Variants in DCAF8L2 observed in about 807,000 individuals in gnomAD.
The protein encoded by DCAF8L2 is DDB1 and CUL4 associated factor 8 like 2.
For synonymous variants in DCAF8L2, 200 were observed against 190.9 expected (o/e 1.05, Z -0.39); for missense variants, 430 against 490.7 (o/e 0.88, Z 1.17).
intron 3 of DCAF8L2, among the ~76,000 whole-genome samples, chrX:27,687,894 A>T (rs1004751835): frequency 9.0e-6 from 1 of 110,952 alleles, no homozygotes; most frequent in Non-Finnish European, 1.9e-5. Context: ...TGAAACTGTT[A>T]TTAGAGTTTT....
the DCAF8L2 span, among the ~76,000 whole-genome samples, chrX:27,474,139 G>A: frequency 9.0e-6 from 1 of 110,993 alleles, no homozygotes; most frequent in Admixed American, 9.7e-5. Context: ...TTATCCCCAC[G>A]CAGAAAATAG....
the DCAF8L2 span, among the ~76,000 whole-genome samples, chrX:27,483,834 A>G: frequency 9.0e-6 from 1 of 111,343 alleles, no homozygotes; most frequent in Non-Finnish European, 1.9e-5. Context: ...GCCTAAGTCA[A>G]GTAGAAAAAT....
intron 2 of DCAF8L2, among the ~76,000 whole-genome samples, chrX:27,646,107 A>T (rs985642266): frequency 8.9e-6 from 1 of 112,067 alleles, no homozygotes; most frequent in African/African-American, 3.2e-5. Context: ...TATAGCCATG[A>T]CAATCCTAAG....
At chrX:27,579,208 C>T in the DCAF8L2 span, among the ~76,000 whole-genome samples, 1 of 111,434 alleles carries the variant, frequency 9.0e-6, no homozygotes, top group African/African-American at 3.3e-5. Flanking sequence ...ACATATACAC[C>T]ATGGAATACT....
At chrX:27,693,436 A>G (rs1264461708) in intron 3 of DCAF8L2, among the ~76,000 whole-genome samples, 1 of 111,703 alleles carries the variant, frequency 9.0e-6, no homozygotes, top group African/African-American at 3.2e-5. Context: ...AGGTTTTCTC[A>G]CCTGATATAT....
chrX:27,619,854 G>A (rs749591790), intron 1 of DCAF8L2, among the ~76,000 whole-genome samples: 77 of 109,955 alleles, frequency 7.0e-4, no homozygotes, highest in Non-Finnish European at 1.2e-3. Context: ...AAAAGAAAAA[G>A]AAATATAGGT....
chrX:27,685,524 C>T (rs760951975), intron 3 of DCAF8L2, among the ~76,000 whole-genome samples: 2 of 111,568 alleles, frequency 1.8e-5, no homozygotes, highest in Non-Finnish European at 3.8e-5. Context: ...ACTAGATATT[C>T]GTAGTCAGAG....
chrX:27,525,222 G>T, the DCAF8L2 span, among the ~76,000 whole-genome samples: 1 of 111,613 alleles, frequency 9.0e-6, no homozygotes, highest in Non-Finnish European at 1.9e-5. Flanking sequence ...TTCTGTATTG[G>T]GTGCATATAT....
chrX:27,703,784 T>C (rs1031343918), intron 3 of DCAF8L2, among the ~76,000 whole-genome samples: 3 of 110,387 alleles, frequency 2.7e-5, no homozygotes, highest in African/African-American at 6.6e-5. Flanking sequence ...AAATAAAACA[T>C]AGGAATAAAT....
At chrX:27,564,213 G>A in the DCAF8L2 span, among the ~76,000 whole-genome samples, 27 of 110,616 alleles carry the variant, frequency 2.4e-4, no homozygotes, top group South Asian at 0.01. Flanking sequence ...AGCAAAAGGG[G>A]GAAAGCCCCT....
chrX:27,511,233 G>T, the DCAF8L2 span, among the ~76,000 whole-genome samples: 1 of 111,321 alleles, frequency 9.0e-6, no homozygotes, highest in African/African-American at 3.3e-5. Context: ...TTGACAGCTT[G>T]TGGAGGGAAA....
At chrX:27,514,179 T>C in the DCAF8L2 span, among the ~76,000 whole-genome samples, 1 of 99,063 alleles carries the variant, frequency 1.0e-5, no homozygotes, top group East Asian at 3.5e-4. Flanking sequence ...TATGTACATG[T>C]ATGTACCCGT....
intron 1 of DCAF8L2, among the ~76,000 whole-genome samples, chrX:27,608,158 A>G (rs1472006064): frequency 9.0e-6 from 1 of 111,576 alleles, no homozygotes; most frequent in African/African-American, 3.2e-5. Context: ...TTCTATAGTA[A>G]CAAGAGTGCT....
chrX:27,620,504 C>A (rs944972291), intron 1 of DCAF8L2, among the ~76,000 whole-genome samples: 1 of 111,469 alleles, frequency 9.0e-6, no homozygotes, highest in South Asian at 3.7e-4. Flanking sequence ...AGAAAATGTG[C>A]AAAGGGATGA....
rs1569200904 is a variant in DCAF8L2 at position 27,747,202 on chromosome X, T to A, written c.307T>A (p.Tyr103Asn). The change falls in exon 5 of 5, where the codon TAC becomes AAC. Residue 103 changes from tyrosine (Y) to asparagine (N), a missense_variant. Tyr to Asn is a moderately radical substitution (Grantham distance 143). Transcript: ENST00000451261. ...FLMSGESLFH[Y>N]PLVGEEETER... Reference sequence around the variant, plus strand: ...CATGAGTGGTGAAAGTTTATTCCATTACCCTTTAGTGGGAGAGGAGGAGAC... The same window carrying A: ...CATGAGTGGTGAAAGTTTATTCCATAACCCTTTAGTGGGAGAGGAGGAGAC... 8.6e-7 allele frequency: 1 copy of A among 1,161,828 alleles called. No homozygotes were observed. Among genetic ancestry groups the A allele is most frequent in the African/African-American group, 1.8e-5 (1 of 54,343 alleles).
chrX:27,498,523 A>G, the DCAF8L2 span, among the ~76,000 whole-genome samples: 3 of 112,630 alleles, frequency 2.7e-5, no homozygotes, highest in African/African-American at 6.4e-5. Context: ...AAGCTAATTA[A>G]CATAGCCATC....
At chrX:27,479,181 G>C in the DCAF8L2 span, among the ~76,000 whole-genome samples, 1 of 110,776 alleles carries the variant, frequency 9.0e-6, no homozygotes, top group East Asian at 2.9e-4. Context: ...AGAAATTGAA[G>C]GTAGCCTCTG....
intron 3 of DCAF8L2, among the ~76,000 whole-genome samples, chrX:27,691,785 A>G (rs904912586): frequency 5.4e-5 from 6 of 112,027 alleles, no homozygotes; most frequent in Non-Finnish European, 9.4e-5. Flanking sequence ...AAGATTGTCA[A>G]AATTTAAAAC....
intron 1 of DCAF8L2, among the ~76,000 whole-genome samples, chrX:27,625,501 A>T (rs1242957478): frequency 8.9e-6 from 1 of 112,194 alleles, no homozygotes; most frequent in African/African-American, 3.2e-5. Flanking sequence ...CAGCTATCTG[A>T]TTATTGAGTA....
Sources: allele counts gnomAD v4.1 joint callset (sites outside exome capture counted in the v4.1 genomes callset), GRCh38; gene constraint gnomAD v4.1.1; transcripts MANE v1.5; gene names NCBI Gene and HGNC (gene_info 2026-07-23, HGNC 2026-07-21).